The following LRGUK variants were observed in gnomAD, a reference collection of about 807,000 sequenced individuals.
LRGUK encodes leucine-rich repeat and guanylate kinase domain-containing protein.
A neutral mutation model predicts 76.0 loss-of-function variants in LRGUK; 65 were observed. The observed-to-expected ratio is 0.85, with a 90% CI of 0.70 to 1.05. The LOEUF is 1.05. Among genes scored for constraint, LRGUK ranks in the 50% least tolerant of loss-of-function variants. LRGUK has a pLI of 0.00. For synonymous variants in LRGUK, 268 were observed against 265.6 expected (o/e 1.01, Z -0.09); for missense variants, 758 against 732.8 (o/e 1.03, Z -0.40).
downstream of LRGUK, among the ~76,000 whole-genome samples, chr7:134,264,789 T>C (rs1012170177): frequency 6.6e-6 from 1 of 152,216 alleles, no homozygotes; most frequent in African/African-American, 2.4e-5. Flanking sequence ...GATACATTCC[T>C]TTGTACTGGA....
At chr7:134,166,370 T>C (rs1182009443) in intron 7 of LRGUK, among the ~76,000 whole-genome samples, 1 of 152,152 alleles carries the variant, frequency 6.6e-6, no homozygotes, top group African/African-American at 2.4e-5. Context: ...TGTAGTCTTG[T>C]TAGATTTTAT....
intron 12 of LRGUK, 70 bp downstream of exon 12, chr7:134,191,821 G>A: frequency 2.9e-6 from 3 of 1,029,908 alleles, no homozygotes; most frequent in Admixed American, 2.5e-5. Flanking sequence ...TTAGGAAATA[G>A]TTATAAATAA....
Position 134,159,591 on chromosome 7 carries a change from C to G in LRGUK, c.795+1432C>G, listed in dbSNP as rs574361251. Reference sequence around the variant, plus strand: ...GGATCATGAGGTCAGGAGTTCAAGACCAGCCTGGCCAAGATGGTGAAACTC... The same window carrying G: ...GGATCATGAGGTCAGGAGTTCAAGAGCAGCCTGGCCAAGATGGTGAAACTC... On this transcript the variant is annotated intron_variant, in intron 6 of 15. Coordinates refer to ENST00000645682, the Ensembl canonical transcript of LRGUK. Among the ~76,000 whole-genome samples the G allele has an allele frequency of 2.0e-5, 3 of 152,234 alleles. No individual in the cohort carries two copies. The South Asian group carries it at 6.2e-4, about 32-fold the overall frequency.
At chr7:134,146,489 C>T (rs1320745901) in intron 4 of LRGUK, among the ~76,000 whole-genome samples, 1 of 152,200 alleles carries the variant, frequency 6.6e-6, no homozygotes, top group Middle Eastern at 3.2e-3. Flanking sequence ...ACTCCATTTA[C>T]ATCATGCCAA....
At chr7:134,195,597 G>T (rs1373670374) in intron 12 of LRGUK, among the ~76,000 whole-genome samples, 1 of 152,102 alleles carries the variant, frequency 6.6e-6, no homozygotes, top group Non-Finnish European at 1.5e-5. Context: ...ATTATGGGTG[G>T]CAGTCTGCTT....
intron 15 of LRGUK, among the ~76,000 whole-genome samples, chr7:134,208,398 G>A (rs1222806477): frequency 6.6e-6 from 1 of 152,194 alleles, no homozygotes; most frequent in African/African-American, 2.4e-5. Context: ...CTTGGAAAAT[G>A]TCTCACCACC....
At chr7:134,169,224 A>C (rs907385111) in intron 7 of LRGUK, among the ~76,000 whole-genome samples, 1 of 151,448 alleles carries the variant, frequency 6.6e-6, no homozygotes, top group African/African-American at 2.4e-5. Context: ...CCAGGTGAAG[A>C]TGGGGCAGAG....
intron 6 of LRGUK, among the ~76,000 whole-genome samples, chr7:134,158,962 G>A (rs557576735): frequency 7.9e-5 from 12 of 152,206 alleles, no homozygotes; most frequent in South Asian, 6.2e-4. Context: ...GTCAGCAGGC[G>A]GGATTTCAAG....
At chr7:134,185,975 C>A (rs1486331501) in intron 11 of LRGUK, among the ~76,000 whole-genome samples, 1 of 152,050 alleles carries the variant, frequency 6.6e-6, no homozygotes, top group African/African-American at 2.4e-5. Context: ...ATGTACTGAA[C>A]CTGTTTTAAA....
intron 10 of LRGUK, among the ~76,000 whole-genome samples, chr7:134,180,780 C>T (rs1173194746): frequency 6.6e-6 from 1 of 152,114 alleles, no homozygotes; most frequent in Non-Finnish European, 1.5e-5. Context: ...TTAAAGTGGA[C>T]AGTTGAGTGG....
intron 4 of LRGUK, among the ~76,000 whole-genome samples, chr7:134,143,406 T>C (rs1222403): frequency 0.99 from 150,247 of 152,292 alleles, 74,146 homozygotes; most frequent in Middle Eastern, 1. Flanking sequence ...CAACGAACTT[T>C]CCTCTGGTCT....
chr7:134,191,855 G>A (rs922271961), intron 12 of LRGUK, 104 bp downstream of exon 12: 19 of 801,088 alleles, frequency 2.4e-5, no homozygotes, highest in Non-Finnish European at 3.4e-5. Context: ...TAAATTTTGT[G>A]CTTGTTATGA....
chr7:134,201,464 T>C lies in LRGUK; in HGVS notation c.1748-17T>C. 4 of 1,599,368 alleles carry C rather than the reference T, an allele frequency of 2.5e-6. No homozygotes were observed. The highest frequency in any genetic ancestry group is 3.4e-6 in the Non-Finnish European group (4 of 1,166,898). ...GATGTGATCCTGTTGCTTTAAAATG[T>C]ACTCTCTTTGCTGCAGATGATCTGG... is the stretch of plus-strand genomic sequence containing the variant. On this transcript the variant is annotated splice_polypyrimidine_tract_variant and intron_variant, in intron 14 of 15. Transcript: ENST00000645682.
In LRGUK at chr7:134,217,636, G is replaced by A. The variant is rs148185322; in HGVS notation, c.1844-4143G>A. On this transcript the variant is annotated intron_variant, in intron 15 of 19. Transcript: ENST00000285928. ...CACAGATAGACAAGACTTTTAAGAT[G>A]TAATTCTGTCCTAGAAAAATAGCTT... Among the ~76,000 whole-genome samples, 20 of 152,160 alleles carry A rather than the reference G, an allele frequency of 1.3e-4. No homozygotes were observed. In the East Asian group the frequency reaches 3.5e-3, roughly 26 times the overall value.
At chr7:134,190,598 G>T (rs115559745) in intron 11 of LRGUK, among the ~76,000 whole-genome samples, 1 of 152,232 alleles carries the variant, frequency 6.6e-6, no homozygotes, top group Non-Finnish European at 1.5e-5. Flanking sequence ...ATGAACTCAA[G>T]AGTCCTGGTG....
intron 19 of LRGUK, among the ~76,000 whole-genome samples, chr7:134,261,740 A>AC (rs763664109): frequency 6.6e-6 from 1 of 152,244 alleles, no homozygotes; most frequent in Non-Finnish European, 1.5e-5. Context: ...AAAGGACCAT[A>AC]TAGTAAATGC....
chr7:134,206,137 A>G (rs951787086), intron 15 of LRGUK, among the ~76,000 whole-genome samples: 2 of 152,214 alleles, frequency 1.3e-5, no homozygotes, highest in Non-Finnish European at 2.9e-5. Context: ...GGATTAATTG[A>G]ATTTTCACTT....
At chr7:134,171,220 GTTCCA>G (rs1209178482) in intron 7 of LRGUK, among the ~76,000 whole-genome samples, 1 of 149,834 alleles carries the variant, frequency 6.7e-6, no homozygotes, top group Non-Finnish European at 1.5e-5. Context: ...TATTTATTCT[GTTCCA>G]TTGATCTGTC....
chr7:134,162,248 G>A (rs991530939), intron 6 of LRGUK, among the ~76,000 whole-genome samples: 13 of 152,124 alleles, frequency 8.5e-5, no homozygotes, highest in Admixed American at 5.9e-4. Context: ...GCTGCATTTA[G>A]CCGGCATCTT....
Sources: allele counts gnomAD v4.1 joint callset (sites outside exome capture counted in the v4.1 genomes callset), GRCh38; gene constraint gnomAD v4.1.1; transcripts MANE v1.5; gene names NCBI Gene and HGNC (gene_info 2026-07-23, HGNC 2026-07-21).